Variants in ATP6V1D observed in about 807,000 individuals in gnomAD.
ATP6V1D encodes the protein ATPase H+ transporting V1 subunit D.
ATP6V1D carries 20 observed loss-of-function variants against 39.4 expected under a neutral mutation model. The observed-to-expected ratio is 0.51, with a 90% CI of 0.36 to 0.74. The LOEUF is 0.74. ATP6V1D is among the 30% of genes least tolerant of loss of function. The pLI, the probability that ATP6V1D is intolerant of heterozygous loss-of-function variation, is 0.00. For missense variants in ATP6V1D, 228 were observed against 291.6 expected, an observed-to-expected ratio of 0.78 and a Z score of 1.59; for synonymous variants, 100 against 100.5, an observed-to-expected ratio of 0.99 and a Z score of 0.03.
At position 67,345,803 on chromosome 14, in the gene ATP6V1D, C is replaced by T; in HGVS notation, c.421G>A (p.Ala141Thr). 1 of 1,614,138 alleles carries T rather than the reference C, an allele frequency of 6.2e-7. No individual in the cohort carries two copies. Among genetic ancestry groups the T allele is most frequent in the Non-Finnish European group, 8.5e-7 (1 of 1,179,976 alleles). Residue 141 changes from alanine (A) to threonine (T), a missense_variant, in exon 6 of 9, where the codon GCA (alanine) becomes ACA (threonine). Ala to Thr is a moderately conservative substitution (Grantham distance 58). Around this residue, in one of 3 missense-constraint regions of ATP6V1D, gnomAD observed 114 missense variants for 128.3 expected, o/e 0.89. Transcript: ENST00000216442. ...LAKLKRNYAK[A>T]VELLVELASL... ...GCTAGTTCCACCAGTAGTTCCACTG[C>T]TTTGGCATAATTCCTCTTTAATTTA...
intron 5 of ATP6V1D, among the ~76,000 whole-genome samples, chr14:67,346,624 G>C (rs2085621358): frequency 6.6e-6 from 1 of 151,928 alleles, no homozygotes; most frequent in Non-Finnish European, 1.5e-5. Flanking sequence ...CAAGAATATT[G>C]TTTCTATGAA....
chr14:67,339,421 A>G (rs994109413), intron 8 of ATP6V1D, among the ~76,000 whole-genome samples: 1 of 152,104 alleles, frequency 6.6e-6, no homozygotes, highest in African/African-American at 2.4e-5. Context: ...ACAGAAACTA[A>G]CCTTTGATAA....
chr14:67,338,815 A>G (rs1307729313), intron 8 of ATP6V1D, 53 bp from the exon 9 acceptor site: 2 of 1,497,092 alleles, frequency 1.3e-6, no homozygotes, highest in Non-Finnish European at 1.8e-6. Context: ...AATATTAAGT[A>G]GATTTGATTT....
chr14:67,339,746 G>A (rs1267686061), intron 8 of ATP6V1D, among the ~76,000 whole-genome samples: 1 of 152,082 alleles, frequency 6.6e-6, no homozygotes, highest in Non-Finnish European at 1.5e-5. Context: ...CTGAATTCTA[G>A]TTTCTTCTCT....
At position 67,337,927 on chromosome 14, in the gene ATP6V1D, T is replaced by C. The variant is rs2085552671; in HGVS notation, c.*694A>G. The C allele has an allele frequency of 6.6e-6, 1 of 152,210 alleles. No homozygotes were observed. The highest frequency in any genetic ancestry group is 1.5e-5 in the Non-Finnish European group (1 of 68,034). 9.4% of individuals were successfully genotyped at this position (152,210 alleles called of 1,614,324 possible). On this transcript the variant is annotated 3_prime_UTR_variant, in exon 9 of 9. Transcript: ENST00000216442. ...CAAAATGCAACAGTTGTCTCAAAAG[T>C]AAGCCTTTTTGTAAAACTCTAATAC... is the stretch of plus-strand genomic sequence containing the variant.
intron 1 of ATP6V1D, among the ~76,000 whole-genome samples, chr14:67,356,312 T>C (rs2085684420): frequency 6.6e-6 from 1 of 151,396 alleles, no homozygotes; most frequent in Non-Finnish European, 1.5e-5. Context: ...TCCCAGCTAC[T>C]CAGGAGTCTG....
chr14:67,339,185 C>A (rs539824290), intron 8 of ATP6V1D, among the ~76,000 whole-genome samples: 26 of 151,962 alleles, frequency 1.7e-4, no homozygotes, highest in African/African-American at 5.8e-4. Flanking sequence ...TTAGTAGAGA[C>A]GGAGGGTTTC....
At chr14:67,354,621 G>A (rs1253532875) in intron 1 of ATP6V1D, among the ~76,000 whole-genome samples, 1 of 152,136 alleles carries the variant, frequency 6.6e-6, no homozygotes, top group South Asian at 2.1e-4. Flanking sequence ...TAAAAAAGAC[G>A]AAGGTATATA....
chr14:67,344,595 TG>T (rs1398549962), intron 6 of ATP6V1D, among the ~76,000 whole-genome samples: 1 of 152,148 alleles, frequency 6.6e-6, no homozygotes, highest in Non-Finnish European at 1.5e-5. Context: ...AGAGTGAAAC[TG>T]GGCTGGGTGA....
chr14:67,340,418 A>G (rs2141090277), intron 8 of ATP6V1D, 22 bp downstream of exon 8: 1 of 1,604,056 alleles, frequency 6.2e-7, no homozygotes, highest in Non-Finnish European at 8.5e-7. Flanking sequence ...AAGATGATCA[A>G]TAACTGCCAA....
chr14:67,352,892 TA>T (rs2085665216), intron 2 of ATP6V1D, 30 bp downstream of exon 2: 4 of 1,465,628 alleles, frequency 2.7e-6, no homozygotes, highest in African/African-American at 1.4e-5. Context: ...TTTTCTAAAA[TA>T]AATACTATTC....
chr14:67,349,248 A>G, intron 3 of ATP6V1D, 144 bp from the exon 4 acceptor site: 1 of 772,642 alleles, frequency 1.3e-6, no homozygotes, highest in Non-Finnish European at 2.0e-6. Flanking sequence ...TTTTCCAAAA[A>G]GGGAGAAAAG....
intron 7 of ATP6V1D, among the ~76,000 whole-genome samples, chr14:67,340,918 C>CG (rs2085576251): frequency 1.3e-5 from 2 of 152,240 alleles, no homozygotes; most frequent in Admixed American, 1.3e-4. Flanking sequence ...GCGAGTGATC[C>CG]GCCAGCCTCG....
intron 3 of ATP6V1D, 68 bp from the exon 4 acceptor site, chr14:67,349,172 T>G: frequency 1.4e-6 from 2 of 1,426,730 alleles, no homozygotes; most frequent in Non-Finnish European, 9.8e-7. Flanking sequence ...ACCCACTGGA[T>G]AGTTTTAACA....
rs1040824054 is a variant in ATP6V1D, at chr14:67,342,214, A to T, written c.523+1158T>A. ...TAAATAAATAAATAAATAAATAAATAAAATAAAATAAAAAAAAACACAAAG... is the reference window on the plus strand; with the variant it reads ...TAAATAAATAAATAAATAAATAAATTAAATAAAATAAAAAAAAACACAAAG... On this transcript the variant is annotated intron_variant, in intron 7 of 8. Transcript: ENST00000216442. 8.8e-5 allele frequency among the ~76,000 whole-genome samples: 9 copies of T among 101,994 alleles called. No individual in the cohort carries two copies. In the East Asian group the frequency reaches 1.9e-3, roughly 21 times the overall value. The allele number at this position is 101,994 out of a possible 152,430, so 66.9% of individuals were successfully genotyped here. A position where few individuals can be genotyped will look rare whatever the true frequency, so the allele number is the denominator to read the frequency against.
chr14:67,342,217 A>G (rs1328558781), intron 7 of ATP6V1D, among the ~76,000 whole-genome samples: 1 of 116,072 alleles, frequency 8.6e-6, no homozygotes, highest in Non-Finnish European at 1.6e-5. Flanking sequence ...AATAAATAAA[A>G]TAAAATAAAA....
intron 7 of ATP6V1D, among the ~76,000 whole-genome samples, chr14:67,341,006 C>T (rs1373717714): frequency 6.6e-6 from 1 of 152,182 alleles, no homozygotes; most frequent in African/African-American, 2.4e-5. Context: ...AGTGCAGTGG[C>T]GTGATCTCGG....
At chr14:67,351,680 C>T (rs1014515849) in intron 2 of ATP6V1D, among the ~76,000 whole-genome samples, 43 of 151,430 alleles carry the variant, frequency 2.8e-4, no homozygotes, top group African/African-American at 9.7e-4. Context: ...TGCTAATTTT[C>T]TTCTTCTTCT....
In ATP6V1D at chr14:67,344,110, G is replaced by T. The variant is rs558672692; in HGVS notation, c.457-672C>A. Among the ~76,000 whole-genome samples, 13 of 152,302 alleles carry T rather than the reference G, an allele frequency of 8.5e-5. No homozygotes were observed. In the East Asian group the frequency reaches 2.3e-3, roughly 27 times the overall value. On this transcript the variant is annotated intron_variant, in intron 6 of 8. Transcript: ENST00000216442. ...TGACACTGATTTGTTTCTGATTCAT[G>T]AAGTTTTACTTCATGATTTACTTGC...
Sources: gnomAD v4.1 joint callset for allele counts (sites outside exome capture counted in the v4.1 genomes callset) on GRCh38, gnomAD v4.1.1 for gene constraint, gnomAD v4.1.1 regional missense constraint, MANE v1.5 for transcripts, NCBI Gene and HGNC (gene_info 2026-07-23, HGNC 2026-07-21) for gene names.